Variants in KDM5A observed in about 807,000 individuals in gnomAD.
KDM5A encodes lysine demethylase 5A.
In KDM5A, 42 loss-of-function variants were observed where a neutral mutation model predicts 193.5. The ratio of observed to expected loss-of-function variants is 0.22; its 90% confidence interval spans 0.17 to 0.28. The LOEUF (loss-of-function observed/expected upper bound fraction) is 0.28, where lower values mean the gene tolerates loss of function less well. KDM5A is among the 10% of genes least tolerant of loss of function. The pLI is 1.00. For synonymous variants in KDM5A, 796 were observed against 718.1 expected, an observed-to-expected ratio of 1.11 and a Z score of -1.73; for missense variants, 1,692 against 2,055.1, an observed-to-expected ratio of 0.82 and a Z score of 3.42.
intron 27 of KDM5A, chr12:286,098 A>T: frequency 4.4e-6 from 2 of 455,520 alleles, no homozygotes; most frequent in South Asian, 3.4e-5. Context: ...TCAAAGAGAT[A>T]AGCCAAAGTA....
In KDM5A at chr12:378,811, T is replaced by C. The variant is rs535675978; in HGVS notation, c.366+5220A>G. On this transcript the variant is annotated intron_variant, in intron 3 of 27. Coordinates refer to ENST00000399788, the MANE Select transcript of KDM5A (RefSeq NM_001042603.3). ...GTCTCTACTAAAAAATACAAAAAATTAGCCGGGCGTGGTGGTGGGCGCCTG... is the reference window on the plus strand; with the variant it reads ...GTCTCTACTAAAAAATACAAAAAATCAGCCGGGCGTGGTGGTGGGCGCCTG... Among the ~76,000 whole-genome samples, 8 of 152,056 alleles carry C rather than the reference T, an allele frequency of 5.3e-5. No individual in the cohort carries two copies. The South Asian group carries it at 6.3e-4, about 12-fold the overall frequency.
At chr12:385,100 T>C (rs529222472) in intron 2 of KDM5A, among the ~76,000 whole-genome samples, 1 of 151,416 alleles carries the variant, frequency 6.6e-6, no homozygotes, top group South Asian at 2.1e-4. Context: ...GGAGAATCGC[T>C]TGAACCCGGG....
intron 5 of KDM5A, 99 bp from the exon 6 acceptor site, chr12:356,636 A>G (rs1944232862): frequency 1.3e-6 from 1 of 763,108 alleles, no homozygotes; most frequent in Non-Finnish European, 2.3e-6. Context: ...AACACGGAAG[A>G]ACAAATTATT....
chr12:358,370 ATTTATC>A (rs1490246210), intron 5 of KDM5A, among the ~76,000 whole-genome samples: 1 of 152,220 alleles, frequency 6.6e-6, no homozygotes, highest in African/African-American at 2.4e-5. Context: ...CCATTTCAAT[ATTTATC>A]TTTAAACTTT....
Position 304,842 on chromosome 12 carries a change from T to C in KDM5A, c.4074+2104A>G, listed in dbSNP as rs542011937. ...TAAGCAATTCTAGAAGAGTGGCTGA[T>C]AGCTAATGTGCTAGAAAGCAACCAC... On this transcript the variant is annotated intron_variant, in intron 24 of 27. Transcript: ENST00000399788. 1.1e-4 allele frequency among the ~76,000 whole-genome samples: 17 copies of C among 152,352 alleles called. No individual in the cohort carries two copies. In the South Asian group the frequency reaches 3.5e-3, roughly 32 times the overall value.
chr12:331,551 AAAGTGAAGGAATAGAATGG>A (rs1943866509), intron 13 of KDM5A, among the ~76,000 whole-genome samples: 1 of 152,332 alleles, frequency 6.6e-6, no homozygotes, highest in Admixed American at 6.5e-5. Context: ...GGGGAAGGGG[AAAGTGAAGGAATAGAATGG>A]AAGTGAAGGA....
chr12:344,629 A>T (rs1944047582), intron 10 of KDM5A, among the ~76,000 whole-genome samples: 1 of 152,240 alleles, frequency 6.6e-6, no homozygotes, highest in South Asian at 2.1e-4. Context: ...CTTAAAGAAA[A>T]GAATTTTCAA....
At chr12:287,512 G>A (rs1275041265) in intron 27 of KDM5A, among the ~76,000 whole-genome samples, 37 of 145,354 alleles carry the variant, frequency 2.5e-4, no homozygotes, top group Admixed American at 5.4e-4. Context: ...AAAAAAAAAA[G>A]GGGGAAATAA....
rs377271333 is a variant in KDM5A at position 330,085 on chromosome 12, G to GTGTGTGTGTGTA, written c.1774-1057_1774-1056insTACACACACACA. Among the ~76,000 whole-genome samples the GTGTGTGTGTGTA allele has an allele frequency of 1.2e-3, 173 of 139,370 alleles. 1 individual carries two copies. Among genetic ancestry groups the GTGTGTGTGTGTA allele is most frequent in the East Asian group, 7.6e-3 (35 of 4,610 alleles). The allele number at this position is 139,370 out of a possible 152,430, so 91.4% of individuals were successfully genotyped here. On this transcript the variant is annotated intron_variant, in intron 13 of 27. Transcript: ENST00000399788. ...TGTGTGTGTGTGTGTGTGTGTGTGT[G>GTGTGTGTGTGTA]TATATATATATATCTTATGATTAGC... is the stretch of plus-strand genomic sequence containing the variant.
At chr12:317,242 T>C (rs1943660575) in intron 19 of KDM5A, among the ~76,000 whole-genome samples, 1 of 152,212 alleles carries the variant, frequency 6.6e-6, no homozygotes, top group African/African-American at 2.4e-5. Context: ...TTCTGTCACC[T>C]GAACACGCCC....
intron 10 of KDM5A, among the ~76,000 whole-genome samples, chr12:338,336 C>A (rs1943959467): frequency 6.6e-6 from 1 of 152,212 alleles, no homozygotes; most frequent in African/African-American, 2.4e-5. Context: ...GCCCATGTCA[C>A]TAGGCCCCAA....
chr12:285,784 T>C, intron 27 of KDM5A, 122 bp from the exon 28 acceptor site: 2 of 824,564 alleles, frequency 2.4e-6, no homozygotes, highest in Non-Finnish European at 4.2e-6. Flanking sequence ...AGATAGGCAA[T>C]GACTTCTTAT....
chr12:388,221 T>G, intron 1 of KDM5A: 2 of 453,094 alleles, frequency 4.4e-6, no homozygotes, highest in Non-Finnish European at 8.9e-6. Context: ...GGATAGTATC[T>G]GTTTTCCTTA....
intron 5 of KDM5A, among the ~76,000 whole-genome samples, chr12:359,128 T>A (rs1358619618): frequency 1.3e-5 from 2 of 152,008 alleles, no homozygotes; most frequent in Non-Finnish European, 2.9e-5. Flanking sequence ...CTCAGAACAC[T>A]AGGAAAAAAC....
chr12:319,886 G>A (rs1245570781), intron 18 of KDM5A, among the ~76,000 whole-genome samples: 1 of 152,188 alleles, frequency 6.6e-6, no homozygotes, highest in Admixed American at 6.5e-5. Flanking sequence ...ATGTGGGATT[G>A]AATCAACAGG....
chr12:375,894 G>A (rs373229335), intron 3 of KDM5A, among the ~76,000 whole-genome samples: 21 of 152,330 alleles, frequency 1.4e-4, no homozygotes, highest in Admixed American at 5.2e-4. Context: ...GTAGAACAGC[G>A]AATGTTGCCG....
Position 311,118 on chromosome 12 carries a change from A to T in KDM5A, c.3037-54T>A, listed in dbSNP as rs1943580227. On this transcript the variant is annotated intron_variant, in intron 20 of 27. Coordinates refer to ENST00000399788, the MANE Select transcript of KDM5A (RefSeq NM_001042603.3). ...TTGAGTTCTCTTATGGGGTTTGGCA[A>T]TATACTGTTGAAAGACCTTACAAAG... The T allele has an allele frequency of 9.7e-6, 15 of 1,543,114 alleles. No individual in the cohort carries two copies. The East Asian group carries it at 2.7e-4, about 28-fold the overall frequency.
intron 10 of KDM5A, among the ~76,000 whole-genome samples, chr12:338,188 C>T (rs936411595): frequency 5.9e-5 from 9 of 152,122 alleles, no homozygotes; most frequent in African/African-American, 2.2e-4. Context: ...GGTAACAATT[C>T]CCTACACTAA....
chr12:306,880 CTTT>C, intron 24 of KDM5A, 63 bp downstream of exon 24: 17 of 1,293,810 alleles, frequency 1.3e-5, no homozygotes, highest in Middle Eastern at 2.0e-4. Context: ...TGTTCAATAG[CTTT>C]TTTTTTTTTT....
Sources: allele counts gnomAD v4.1 joint callset (sites outside exome capture counted in the v4.1 genomes callset), GRCh38; gene constraint gnomAD v4.1.1; transcripts MANE v1.5; gene names NCBI Gene and HGNC (gene_info 2026-07-23, HGNC 2026-07-21).